The following ASIC2 variants were observed in gnomAD, a reference collection of about 807,000 sequenced individuals.
ASIC2 encodes acid sensing ion channel subunit 2.
ASIC2 carries 25 observed loss-of-function variants against 57.3 expected under a neutral mutation model. That is an observed-to-expected ratio of 0.44 (90% CI 0.32 to 0.61). The LOEUF is 0.61. Among genes scored for constraint, ASIC2 ranks in the 20% least tolerant of loss-of-function variants. ASIC2 has a pLI of 0.06. For missense variants in ASIC2, 641 were observed against 738.1 expected (o/e 0.87, Z 1.52); for synonymous variants, 319 against 307.5 (o/e 1.04, Z -0.39).
intron 1 of ASIC2, among the ~76,000 whole-genome samples, chr17:33,360,533 G>T (rs139651680): frequency 6.5e-4 from 99 of 152,312 alleles, no homozygotes; most frequent in African/African-American, 2.3e-3. Flanking sequence ...CTGGATAAAA[G>T]ATCCTAAGCT....
intron 1 of ASIC2, among the ~76,000 whole-genome samples, chr17:33,675,054 A>T (rs1449450218): frequency 2.0e-5 from 3 of 152,248 alleles, no homozygotes; most frequent in Non-Finnish European, 4.4e-5. Context: ...CACAAATAAA[A>T]GCGTCCGCCT....
chr17:33,183,245 C>T (rs1009608244), intron 1 of ASIC2, among the ~76,000 whole-genome samples: 2 of 152,148 alleles, frequency 1.3e-5, no homozygotes, highest in African/African-American at 4.8e-5. Flanking sequence ...TTATTAACTT[C>T]AGTGAGGAGC....
At chr17:33,026,158 C>T (rs1048914542) in intron 4 of ASIC2, among the ~76,000 whole-genome samples, 176 bp from the exon 5 acceptor site, 1 of 152,192 alleles carries the variant, frequency 6.6e-6, no homozygotes, top group Non-Finnish European at 1.5e-5. Flanking sequence ...AGCTGGAAGG[C>T]TGGCTTCTGA....
intron 1 of ASIC2, among the ~76,000 whole-genome samples, chr17:33,973,919 C>T (rs191004768): frequency 1.3e-5 from 2 of 152,048 alleles, no homozygotes. Context: ...CAGGAGAGCT[C>T]GAAACATTTG....
intron 1 of ASIC2, among the ~76,000 whole-genome samples, chr17:33,835,369 C>CT (rs1443346643): frequency 6.6e-6 from 1 of 152,224 alleles, no homozygotes; most frequent in Non-Finnish European, 1.5e-5. Flanking sequence ...GTATTTTCCC[C>CT]TACTTCTTGT....
At chr17:33,870,224 G>GTTTTTTTTTTTTTTTT (rs869267956) in intron 1 of ASIC2, among the ~76,000 whole-genome samples, 1 of 50,116 alleles carries the variant, frequency 2.0e-5, no homozygotes, top group African/African-American at 8.0e-5. Flanking sequence ...GAGAAATTCT[G>GTTTTTTTTTTTTTTTT]TTTTTTTTTT....
At chr17:33,872,293 A>G (rs1914436453) in intron 1 of ASIC2, among the ~76,000 whole-genome samples, 1 of 152,156 alleles carries the variant, frequency 6.6e-6, no homozygotes, top group Non-Finnish European at 1.5e-5. Context: ...GATAGAGGGA[A>G]GCCAAGACCC....
chr17:33,405,535 G>C (rs1910442580), intron 1 of ASIC2, among the ~76,000 whole-genome samples: 1 of 144,966 alleles, frequency 6.9e-6, no homozygotes, highest in East Asian at 2.1e-4. Context: ...CCAGGCTGCA[G>C]AGCAGTGGCG....
At chr17:33,684,055 C>A (rs1169167649) in intron 1 of ASIC2, among the ~76,000 whole-genome samples, 1 of 152,170 alleles carries the variant, frequency 6.6e-6, no homozygotes, top group Admixed American at 6.5e-5. Flanking sequence ...ATAGATTTTG[C>A]TTTTAGTTCT....
At chr17:33,427,923 C>T (rs73983671) in intron 1 of ASIC2, among the ~76,000 whole-genome samples, 6,871 of 152,216 alleles carry the variant, frequency 0.045, 502 homozygotes, top group African/African-American at 0.16. Flanking sequence ...CTGTCTCTTT[C>T]TTGGATTATT....
intron 1 of ASIC2, among the ~76,000 whole-genome samples, chr17:33,590,655 TCAATCTCTACACCACACTC>T (rs934907510): frequency 8.8e-5 from 13 of 148,296 alleles, no homozygotes; most frequent in Admixed American, 2.7e-4. Context: ...ACACAACACC[TCAATCTCTACACCACACTC>T]CAATCTCTAC....
chr17:33,895,617 A>G (rs1915077393), intron 1 of ASIC2, among the ~76,000 whole-genome samples: 2 of 152,198 alleles, frequency 1.3e-5, no homozygotes, highest in Admixed American at 1.3e-4. Context: ...GGGGTTGCCT[A>G]GTTTACTTGG....
At position 33,278,701 on chromosome 17, in the gene ASIC2, G is replaced by A. The variant is rs950694; in HGVS notation, c.708+12707C>T. Among the ~76,000 whole-genome samples, 628 of 152,006 alleles carry A rather than the reference G, an allele frequency of 4.1e-3. 7 individuals are homozygous for A. Among genetic ancestry groups the A allele is most frequent in the African/African-American group, 0.014 (567 of 41,456 alleles). On this transcript the variant is annotated intron_variant, in intron 1 of 9. Transcript: ENST00000225823. ...TTCCCGGGATCCCTGGCCTATGATC[G>A]TTTGCCATAACTCTTTATTGAATGA...
intron 1 of ASIC2, among the ~76,000 whole-genome samples, chr17:33,262,099 C>T (rs984754189): frequency 1.3e-5 from 2 of 152,312 alleles, no homozygotes; most frequent in African/African-American, 2.4e-5. Flanking sequence ...CTGTGCTCGG[C>T]GCCATGTAGG....
intron 1 of ASIC2, among the ~76,000 whole-genome samples, chr17:33,327,389 G>T (rs193065839): frequency 1.5e-4 from 23 of 152,336 alleles, no homozygotes; most frequent in Non-Finnish European, 2.9e-4. Context: ...GCCCAGCACA[G>T]CATCCTATAC....
intron 1 of ASIC2, among the ~76,000 whole-genome samples, chr17:33,479,897 C>A (rs1331248631): frequency 6.6e-6 from 1 of 152,134 alleles, no homozygotes; most frequent in Non-Finnish European, 1.5e-5. Context: ...GTAAACATCC[C>A]CTCCATATCT....
At chr17:33,160,096 C>A (rs1905120195) in intron 1 of ASIC2, among the ~76,000 whole-genome samples, 1 of 151,890 alleles carries the variant, frequency 6.6e-6, no homozygotes, top group Non-Finnish European at 1.5e-5. Context: ...GTAATCCCAG[C>A]CAGTTGGGAG....
chr17:33,854,291 G>A (rs1261068994), intron 1 of ASIC2, among the ~76,000 whole-genome samples: 1 of 152,192 alleles, frequency 6.6e-6, no homozygotes, highest in Non-Finnish European at 1.5e-5. Context: ...ATAAGCTGAT[G>A]TGCAGGCAGT....
chr17:33,480,450 C>A (rs1913366668), intron 1 of ASIC2, among the ~76,000 whole-genome samples: 1 of 152,086 alleles, frequency 6.6e-6, no homozygotes, highest in Non-Finnish European at 1.5e-5. Context: ...AAGCAAACTG[C>A]ATGGCAGTCT....
Sources: gnomAD v4.1 joint callset for allele counts (sites outside exome capture counted in the v4.1 genomes callset) on GRCh38, gnomAD v4.1.1 for gene constraint, MANE v1.5 for transcripts, NCBI Gene and HGNC (gene_info 2026-07-23, HGNC 2026-07-21) for gene names.